The following GRB10 variants were observed in gnomAD, a reference collection of about 807,000 sequenced individuals.
GRB10 encodes the protein growth factor receptor-bound protein 10.
In GRB10, 20 loss-of-function variants were observed where a neutral mutation model predicts 80.9. The ratio of observed to expected loss-of-function variants is 0.25; its 90% CI spans 0.17 to 0.36. The LOEUF (loss-of-function observed/expected upper bound fraction) is 0.36. Among genes scored for constraint, GRB10 ranks in the 10% least tolerant of loss-of-function variants. GRB10 has a pLI of 1.00. For synonymous variants in GRB10, 291 were observed against 291.5 expected, an observed-to-expected ratio of 1.00 and a Z score of 0.02; for missense variants, 548 against 747.7, an observed-to-expected ratio of 0.73 and a Z score of 3.12.
chr7:50,644,662 A>G (rs1277635307), intron 7 of GRB10, among the ~76,000 whole-genome samples: 1 of 152,194 alleles, frequency 6.6e-6, no homozygotes, highest in African/African-American at 2.4e-5. Flanking sequence ...ACCTCAGGTA[A>G]GCTCTGTAAG....
Position 50,593,117 on chromosome 7 carries a change from A to ACTTGCCAGGTTAGAGGCTGCCACCTCTT in GRB10, c.1639-20_1639-19insAAGAGGTGGCAGCCTCTAACCTGGCAAG. 6.2e-7 allele frequency: 1 copy of ACTTGCCAGGTTAGAGGCTGCCACCTCTT among 1,614,006 alleles called. No individual in the cohort carries two copies. The highest frequency in any genetic ancestry group is 8.5e-7 in the Non-Finnish European group (1 of 1,180,004). The stretch of plus-strand genomic sequence containing the variant: ...CCTCGCACTGGAGAGACACAAGAAC[A>ACTTGCCAGGTTAGAGGCTGCCACCTCTT]CTTGCCAGGTTAGAGGCTGCCACCT... On this transcript the variant is annotated intron_variant, in intron 18 of 18. Transcript: ENST00000401949.
chr7:50,611,659 A>T (rs1475483336), intron 13 of GRB10, among the ~76,000 whole-genome samples: 1 of 152,184 alleles, frequency 6.6e-6, no homozygotes, highest in Non-Finnish European at 1.5e-5. Context: ...CTACCTGCCA[A>T]GTGGATGGGA....
chr7:50,625,435 T>C (rs946656093), intron 8 of GRB10, among the ~76,000 whole-genome samples: 16 of 152,208 alleles, frequency 1.1e-4, no homozygotes, highest in African/African-American at 3.9e-4. Flanking sequence ...TAGAGACACA[T>C]GCTGAAGGTT....
At chr7:50,765,343 A>T (rs75182700) in intron 2 of GRB10, among the ~76,000 whole-genome samples, 3,244 of 152,342 alleles carry the variant, frequency 0.021, 113 homozygotes, top group African/African-American at 0.074. Flanking sequence ...AAGGATCTGT[A>T]TCAAAAAGAT....
intron 8 of GRB10, among the ~76,000 whole-genome samples, chr7:50,620,209 G>A (rs2051436258): frequency 6.6e-6 from 1 of 152,168 alleles, no homozygotes; most frequent in Non-Finnish European, 1.5e-5. Context: ...TAAACAAGAT[G>A]AACAAATGTA....
intron 7 of GRB10, among the ~76,000 whole-genome samples, chr7:50,655,795 A>G (rs952893791): frequency 1.3e-5 from 2 of 152,156 alleles, no homozygotes; most frequent in South Asian, 2.1e-4. Context: ...ATACTATCTC[A>G]GCCACCATCC....
rs190430050 is a variant in GRB10, at chr7:50,717,508, A to G, written c.52-13600T>C. ...CAGTCACATATATATGTATATATAC[A>G]TAAATATGAAATTTGAACCATGTGT... On this transcript the variant is annotated intron_variant, in intron 4 of 18. Transcript: ENST00000401949. Among the ~76,000 whole-genome samples the G allele has an allele frequency of 4.4e-4, 67 of 152,388 alleles. 1 individual carries two copies. Among genetic ancestry groups the G allele is most frequent in the African/African-American group, 1.6e-3 (67 of 41,594 alleles).
chr7:50,671,061 C>T (rs187375047), intron 6 of GRB10, among the ~76,000 whole-genome samples: 43 of 152,260 alleles, frequency 2.8e-4, no homozygotes, highest in Middle Eastern at 3.4e-3. Context: ...AAAGTCAAAG[C>T]GAATGTCAAG....
rs573629427 is a variant in GRB10, at chr7:50,666,382, G to C, written c.504+3340C>G. On this transcript the variant is annotated intron_variant, in intron 7 of 18. Transcript: ENST00000401949. ...TGGAGGAATCGCGTGCTGTTGAATA[G>C]GAGGCTGAGGGCTCTTCTCTACCCA... Among the ~76,000 whole-genome samples the C allele has an allele frequency of 3.9e-5, 6 of 152,194 alleles. No individual in the cohort carries two copies. In the South Asian group the frequency reaches 1.2e-3, roughly 31 times the overall value.
chr7:50,592,765 G>C lies in GRB10; in HGVS notation c.*187C>G. ...ATGCAGAGGGAGGCGACCCTGCTGG[G>C]TTCACAGCAGCAAATCGTCGTTTAA... On this transcript the variant is annotated 3_prime_UTR_variant, in exon 19 of 19. Coordinates refer to ENST00000401949, the MANE Select transcript of GRB10 (RefSeq NM_001350814.2). 1.4e-6 allele frequency: 1 copy of C among 691,232 alleles called. No homozygotes were observed. The highest frequency in any genetic ancestry group is 2.5e-6 in the Non-Finnish European group (1 of 398,974). The allele number at this position is 691,232 out of a possible 1,614,324, so 42.8% of individuals were successfully genotyped here. A position where few individuals can be genotyped will look rare whatever the true frequency, so the allele number is the denominator to read the frequency against.
intron 9 of GRB10, among the ~76,000 whole-genome samples, chr7:50,618,399 C>T (rs1458078276): frequency 1.3e-5 from 2 of 152,218 alleles, no homozygotes; most frequent in Non-Finnish European, 2.9e-5. Context: ...TCACAGCATG[C>T]TCCATGGCAA....
At chr7:50,676,340 G>T (rs550797081) in intron 5 of GRB10, among the ~76,000 whole-genome samples, 3 of 149,584 alleles carry the variant, frequency 2.0e-5, no homozygotes, top group African/African-American at 4.9e-5. Context: ...CCCACCGGGG[G>T]GGGGGGGGGG....
chr7:50,788,699 C>T (rs932495683), intron 1 of GRB10, among the ~76,000 whole-genome samples: 2 of 152,242 alleles, frequency 1.3e-5, no homozygotes, highest in African/African-American at 2.4e-5. Context: ...CTTTCAAGAA[C>T]TTCAGGGAGA....
chr7:50,603,524 A>G (rs2047984186), intron 17 of GRB10, among the ~76,000 whole-genome samples: 2 of 152,190 alleles, frequency 1.3e-5, no homozygotes, highest in South Asian at 4.1e-4. Flanking sequence ...CCTATCCTGG[A>G]CTGTCCAGCC....
chr7:50,602,777 ATTTAG>A (rs2047833364), intron 17 of GRB10, among the ~76,000 whole-genome samples: 2 of 152,240 alleles, frequency 1.3e-5, no homozygotes, highest in African/African-American at 2.4e-5. Context: ...ATTCTTATTT[ATTTAG>A]TTAAGTGTAA....
At chr7:50,693,188 A>G (rs1466383218) in intron 5 of GRB10, among the ~76,000 whole-genome samples, 2 of 152,292 alleles carry the variant, frequency 1.3e-5, no homozygotes, top group Admixed American at 1.3e-4. Flanking sequence ...GTCCCTCGGC[A>G]CCTAATGTTG....
chr7:50,654,155 T>G (rs1167025109), intron 7 of GRB10, among the ~76,000 whole-genome samples: 2 of 152,088 alleles, frequency 1.3e-5, no homozygotes, highest in African/African-American at 4.8e-5. Flanking sequence ...TTCCATGGCT[T>G]TTGGAAAGAA....
intron 3 of GRB10, among the ~76,000 whole-genome samples, chr7:50,736,810 A>T (rs904265427): frequency 6.6e-6 from 1 of 152,212 alleles, no homozygotes; most frequent in Non-Finnish European, 1.5e-5. Context: ...TTTTTTTTAA[A>T]CGGTCCTAGG....
At chr7:50,749,684 C>T (rs1436855537) in intron 3 of GRB10, among the ~76,000 whole-genome samples, 1 of 152,178 alleles carries the variant, frequency 6.6e-6, no homozygotes, top group Non-Finnish European at 1.5e-5. Context: ...ATGCAATCAT[C>T]TACATCAATC....
Sources: gnomAD v4.1 joint callset for allele counts (sites outside exome capture counted in the v4.1 genomes callset) on GRCh38, gnomAD v4.1.1 for gene constraint, MANE v1.5 for transcripts, NCBI Gene and HGNC (gene_info 2026-07-23, HGNC 2026-07-21) for gene names.